Variants in CYP2J2 observed in about 807,000 individuals in gnomAD.
The protein encoded by CYP2J2 is cytochrome P450 2J2.
CYP2J2 carries 41 observed loss-of-function variants against 48.8 expected under a neutral mutation model. That is an observed-to-expected ratio of 0.84 (90% CI 0.66 to 1.09). CYP2J2 has a LOEUF of 1.09. Among genes scored for constraint, CYP2J2 ranks in the 50% least tolerant of loss-of-function variants. CYP2J2 has a pLI of 0.00. For missense variants in CYP2J2, 644 were observed against 617.3 expected, an observed-to-expected ratio of 1.04 and a Z score of -0.46; for synonymous variants, 221 against 227.1, an observed-to-expected ratio of 0.97 and a Z score of 0.24.
chr1:59,918,177 C>T (rs896213714), intron 1 of CYP2J2, among the ~76,000 whole-genome samples: 2 of 152,140 alleles, frequency 1.3e-5, no homozygotes, highest in Admixed American at 6.5e-5. Flanking sequence ...GGACCATACA[C>T]ATTAAGCAAT....
chr1:59,894,899 A>G (rs1329791762), intron 8 of CYP2J2, among the ~76,000 whole-genome samples: 1 of 152,202 alleles, frequency 6.6e-6, no homozygotes, highest in African/African-American at 2.4e-5. Flanking sequence ...CTTTCTGTAT[A>G]TTACAATTCT....
chr1:59,961,451 A>G, the CYP2J2 span, among the ~76,000 whole-genome samples: 1 of 152,212 alleles, frequency 6.6e-6, no homozygotes, highest in Admixed American at 6.5e-5. Flanking sequence ...TAGAGTGGCT[A>G]TAATAAAAAA....
intron 2 of CYP2J2, chr1:59,912,754 T>G (rs1644428884): frequency 6.1e-6 from 1 of 163,556 alleles, no homozygotes; most frequent in African/African-American, 2.4e-5. Context: ...ATTTATGTTA[T>G]GCTAAACACT....
the CYP2J2 span, among the ~76,000 whole-genome samples, chr1:59,965,656 GT>G: frequency 3.9e-3 from 592 of 152,126 alleles, 7 homozygotes; most frequent in African/African-American, 0.014. Context: ...CCCAAATTCT[GT>G]TTTTTTGTTT....
At chr1:59,920,482 C>T (rs1644503565) in intron 1 of CYP2J2, among the ~76,000 whole-genome samples, 1 of 151,988 alleles carries the variant, frequency 6.6e-6, no homozygotes, top group South Asian at 2.1e-4. Flanking sequence ...TCATTCTTTA[C>T]AATAAAATAT....
chr1:59,967,399 T>A, the CYP2J2 span, among the ~76,000 whole-genome samples: 4 of 152,190 alleles, frequency 2.6e-5, no homozygotes, highest in Non-Finnish European at 5.9e-5. Context: ...CTCGACCTAT[T>A]CTTTGAAGGA....
chr1:59,926,619 T>C lies in CYP2J2; in HGVS notation c.128A>G (p.Tyr43Cys), dbSNP rs1263694525. 1.9e-6 allele frequency: 3 copies of C among 1,613,750 alleles called. No homozygotes were observed. Among genetic ancestry groups the C allele is most frequent in the African/African-American group, 2.7e-5 (2 of 74,816 alleles). The change falls in exon 1 of 9, where the codon TAC becomes TGC. Residue 43 changes from tyrosine (Y) to cysteine (C), a missense_variant. Coordinates refer to ENST00000371204, the MANE Select transcript of CYP2J2 (RefSeq NM_000775.4). ...DFLKRRRPKNYPPGPWRLPFL... is the reference protein window; with the variant it reads ...DFLKRRRPKNCPPGPWRLPFL... Reference sequence around the variant, plus strand: ...GGGCAGGCGCCAGGGCCCCGGCGGGTAGTTCTTTGGGCGCCGTCTTTTGAG... The same window carrying C: ...GGGCAGGCGCCAGGGCCCCGGCGGGCAGTTCTTTGGGCGCCGTCTTTTGAG...
chr1:59,931,764 A>C (rs565430395), upstream of CYP2J2, among the ~76,000 whole-genome samples: 9 of 152,282 alleles, frequency 5.9e-5, no homozygotes, highest in Admixed American at 1.3e-4. Context: ...TAGCTAGAAT[A>C]CTTCTAGGTA....
Position 59,895,435 on chromosome 1 carries a change from A to G in CYP2J2, c.1331-1606T>C, listed in dbSNP as rs138908616. 5.0e-4 allele frequency among the ~76,000 whole-genome samples: 76 copies of G among 152,304 alleles called. No homozygotes were observed. The East Asian group carries it at 0.011, about 22-fold the overall frequency. On this transcript the variant is annotated intron_variant, in intron 8 of 8. Coordinates refer to ENST00000371204, the MANE Select transcript of CYP2J2 (RefSeq NM_000775.4). The stretch of plus-strand genomic sequence containing the variant: ...AGTGATACTGTATTCTTCTCATTTT[A>G]TACTATCAAGTGCTATACAATTGTG...
upstream of CYP2J2, among the ~76,000 whole-genome samples, chr1:59,927,429 T>TGG (rs1644576808): frequency 6.6e-6 from 1 of 152,180 alleles, no homozygotes; most frequent in African/African-American, 2.4e-5. Flanking sequence ...GCCCCAAGAC[T>TGG]GTGGGACCTC....
At chr1:59,917,944 C>T (rs941283366) in intron 1 of CYP2J2, among the ~76,000 whole-genome samples, 3 of 152,286 alleles carry the variant, frequency 2.0e-5, no homozygotes, top group South Asian at 2.1e-4. Context: ...TGGTCCCCAT[C>T]GGAGCAAATA....
At chr1:59,941,758 A>T in the CYP2J2 span, among the ~76,000 whole-genome samples, 6 of 147,866 alleles carry the variant, frequency 4.1e-5, no homozygotes, top group Non-Finnish European at 7.4e-5. Flanking sequence ...TTAAAAGTTT[A>T]AAAAAAATAA....
At chr1:59,914,200 A>T (rs1644444018) in intron 2 of CYP2J2, among the ~76,000 whole-genome samples, 1 of 152,258 alleles carries the variant, frequency 6.6e-6, no homozygotes, top group South Asian at 2.1e-4. Flanking sequence ...TCTGCATAGA[A>T]TATAAACTAC....
chr1:59,912,032 T>C (rs556635357), intron 3 of CYP2J2, 130 bp downstream of exon 3: 4 of 1,048,122 alleles, frequency 3.8e-6, no homozygotes, highest in Admixed American at 3.0e-5. Flanking sequence ...GAGGACAGAG[T>C]TGTTCACTGT....
chr1:59,914,697 G>A (rs1199280103), intron 2 of CYP2J2, among the ~76,000 whole-genome samples: 1 of 152,174 alleles, frequency 6.6e-6, no homozygotes, highest in Non-Finnish European at 1.5e-5. Context: ...CCTGGAAGCC[G>A]GGTATTGTCC....
the CYP2J2 span, among the ~76,000 whole-genome samples, chr1:59,951,909 A>G: frequency 1.3e-5 from 2 of 150,912 alleles, no homozygotes; most frequent in African/African-American, 5.0e-5. Flanking sequence ...CTTTTAATCA[A>G]ATCTCCTACC....
chr1:59,918,555 A>G (rs951386195), intron 1 of CYP2J2, among the ~76,000 whole-genome samples: 1 of 151,980 alleles, frequency 6.6e-6, no homozygotes, highest in African/African-American at 2.4e-5. Context: ...TCTTACGTGC[A>G]CCCTGTCAGT....
chr1:59,900,246 C>T (rs1230539825), intron 8 of CYP2J2, among the ~76,000 whole-genome samples: 1 of 152,234 alleles, frequency 6.6e-6, no homozygotes, highest in South Asian at 2.1e-4. Context: ...TCCCCTTGTC[C>T]CTCTCTATCT....
intron 8 of CYP2J2, 45 bp from the exon 9 acceptor site, chr1:59,893,874 T>A: frequency 6.4e-7 from 1 of 1,557,524 alleles, no homozygotes; most frequent in Non-Finnish European, 8.7e-7. Context: ...CAGGTGGCAT[T>A]TGTGCCTAGC....
Sources: gnomAD v4.1 joint callset for allele counts (sites outside exome capture counted in the v4.1 genomes callset) on GRCh38, gnomAD v4.1.1 for gene constraint, MANE v1.5 for transcripts, NCBI Gene and HGNC (gene_info 2026-07-23, HGNC 2026-07-21) for gene names.